Variants in RGS6 observed in about 807,000 individuals in gnomAD.
RGS6 encodes regulator of G-protein signaling 6.
In RGS6, 30 loss-of-function variants were observed where a neutral mutation model predicts 78.5. The ratio of observed to expected loss-of-function variants is 0.38; its 90% CI spans 0.29 to 0.52. The LOEUF (loss-of-function observed/expected upper bound fraction) is 0.52, where lower values mean the gene tolerates loss of function less well. Ranked by LOEUF, RGS6 falls within the 20% of genes least tolerant of loss-of-function variation. The probability of loss-of-function intolerance (pLI) is 0.85; values close to 1 mark genes in which losing one functional copy is unlikely to be tolerated. For synonymous variants in RGS6, 206 were observed against 206.0 expected, an observed-to-expected ratio of 1.00 and a Z score of 0.00; for missense variants, 495 against 609.7, an observed-to-expected ratio of 0.81 and a Z score of 1.98.
At chr14:72,087,916 G>A (rs2095113935) in intron 2 of RGS6, among the ~76,000 whole-genome samples, 1 of 152,112 alleles carries the variant, frequency 6.6e-6, no homozygotes, top group African/African-American at 2.4e-5. Context: ...TAAAGTTTCT[G>A]CTGTTCCCAG....
chr14:72,035,157 C>T (rs776383409), intron 2 of RGS6, among the ~76,000 whole-genome samples: 2 of 152,090 alleles, frequency 1.3e-5, no homozygotes, highest in African/African-American at 4.8e-5. Context: ...GGAATGTATT[C>T]CCCATGTATA....
At chr14:72,146,563 T>A (rs574074770) in intron 2 of RGS6, among the ~76,000 whole-genome samples, 1 of 152,264 alleles carries the variant, frequency 6.6e-6, no homozygotes, top group Non-Finnish European at 1.5e-5. Flanking sequence ...TTTGATACAA[T>A]GGTGAGACAG....
intron 2 of RGS6, among the ~76,000 whole-genome samples, chr14:72,102,001 G>A (rs796141924): frequency 5.3e-5 from 8 of 152,256 alleles, no homozygotes; most frequent in South Asian, 4.2e-4. Flanking sequence ...AAGAGCAGCC[G>A]AGAAGGAGCT....
At chr14:72,540,793 C>T (rs2097315071) in intron 17 of RGS6, 1 of 985,284 alleles carries the variant, frequency 1.0e-6, no homozygotes. Flanking sequence ...GGCCTTGATT[C>T]TAACAGGCTG....
intron 1 of RGS6, among the ~76,000 whole-genome samples, chr14:71,950,469 C>G (rs191119727): frequency 6.6e-6 from 1 of 152,192 alleles, no homozygotes; most frequent in East Asian, 1.9e-4. Flanking sequence ...TATAAAAACC[C>G]TAGAAGAAAA....
chr14:71,975,279 T>C (rs188502952), intron 2 of RGS6, among the ~76,000 whole-genome samples: 2 of 152,380 alleles, frequency 1.3e-5, no homozygotes, highest in African/African-American at 4.8e-5. Context: ...TTTCATTGTT[T>C]CTGTTGGGCA....
chr14:72,229,949 G>C (rs1445332713), intron 2 of RGS6, among the ~76,000 whole-genome samples: 2 of 152,160 alleles, frequency 1.3e-5, no homozygotes, highest in African/African-American at 2.4e-5. Context: ...GGCTCTGTTT[G>C]GCCTCATTTA....
chr14:71,953,969 G>GTGTTTT, intron 1 of RGS6, among the ~76,000 whole-genome samples: 1 of 76,084 alleles, frequency 1.3e-5, no homozygotes, highest in Non-Finnish European at 2.3e-5. Flanking sequence ...CTAAGTGGGC[G>GTGTTTT]TTTTTTTTTT....
intron 2 of RGS6, among the ~76,000 whole-genome samples, chr14:72,302,794 A>AGATC (rs1426402098): frequency 6.6e-6 from 1 of 152,142 alleles, no homozygotes; most frequent in Non-Finnish European, 1.5e-5. Flanking sequence ...GTCCCCAGCC[A>AGATC]GATCTCATCT....
intron 2 of RGS6, among the ~76,000 whole-genome samples, chr14:72,295,650 A>G (rs1169911155): frequency 6.6e-6 from 1 of 152,200 alleles, no homozygotes; most frequent in Non-Finnish European, 1.5e-5. Flanking sequence ...TTGGTTGCTT[A>G]TATATATTTA....
chr14:72,576,270 G>A, the RGS6 span, among the ~76,000 whole-genome samples: 1 of 152,152 alleles, frequency 6.6e-6, no homozygotes, highest in Non-Finnish European at 1.5e-5. Context: ...ATGTAATGGG[G>A]GGATATATTA....
chr14:72,477,391 T>A (rs1224732872), intron 11 of RGS6: 1 of 152,658 alleles, frequency 6.6e-6, no homozygotes, highest in African/African-American at 2.4e-5. Context: ...ATATTATGCC[T>A]TGCTGGTTCC....
At chr14:72,471,630 G>A (rs937397152) in intron 8 of RGS6, among the ~76,000 whole-genome samples, 2 of 152,190 alleles carry the variant, frequency 1.3e-5, no homozygotes, top group African/African-American at 4.8e-5. Context: ...AGGCCATCTG[G>A]TCCAGTGGCC....
intron 2 of RGS6, among the ~76,000 whole-genome samples, chr14:72,207,686 A>G (rs1020474060): frequency 2.6e-5 from 4 of 152,144 alleles, no homozygotes; most frequent in Admixed American, 6.5e-5. Flanking sequence ...TTCAGCTCCA[A>G]TGACTCCATT....
the RGS6 span, among the ~76,000 whole-genome samples, chr14:71,898,847 A>G: frequency 2.0e-5 from 3 of 152,078 alleles, no homozygotes; most frequent in African/African-American, 7.2e-5. Flanking sequence ...CATGAACTCA[A>G]TTCTTTTTTG....
At chr14:72,376,395 A>T (rs1457030881) in intron 3 of RGS6, among the ~76,000 whole-genome samples, 1 of 152,254 alleles carries the variant, frequency 6.6e-6, no homozygotes, top group African/African-American at 2.4e-5. Context: ...CATTGTGGAC[A>T]TTCTGGAAGA....
At chr14:72,184,017 T>G (rs1160138977) in intron 2 of RGS6, among the ~76,000 whole-genome samples, 1 of 152,196 alleles carries the variant, frequency 6.6e-6, no homozygotes, top group East Asian at 1.9e-4. Context: ...GGTTTGAATG[T>G]TCTGTAGTTT....
At chr14:72,432,352 A>G (rs2094685669) in intron 3 of RGS6, among the ~76,000 whole-genome samples, 1 of 152,206 alleles carries the variant, frequency 6.6e-6, no homozygotes, top group African/African-American at 2.4e-5. Flanking sequence ...ACATGATCCA[A>G]AAAAGTGAGG....
At chr14:72,419,918 C>T (rs930685521) in intron 3 of RGS6, among the ~76,000 whole-genome samples, 2 of 152,120 alleles carry the variant, frequency 1.3e-5, no homozygotes, top group African/African-American at 4.8e-5. Context: ...AGAAGTAGAG[C>T]AAAATGGTCC....
Sources: allele counts gnomAD v4.1 joint callset (sites outside exome capture counted in the v4.1 genomes callset), GRCh38; gene constraint gnomAD v4.1.1; transcripts MANE v1.5; gene names NCBI Gene and HGNC (gene_info 2026-07-23, HGNC 2026-07-21).